Variants in ACCSL observed in about 807,000 individuals in gnomAD.
ACCSL encodes probable inactive 1-aminocyclopropane-1-carboxylate synthase-like protein 2.
Under a neutral mutation model 61.7 loss-of-function variants are expected in ACCSL, and 55 were observed. The observed-to-expected ratio is 0.89, with a 90% CI of 0.72 to 1.12. ACCSL has a LOEUF of 1.12. ACCSL is among the 50% of genes most tolerant of loss of function. The pLI, the probability that ACCSL is intolerant of heterozygous loss-of-function variation, is 0.00. For synonymous variants in ACCSL, 258 were observed against 264.3 expected (o/e 0.98, Z 0.23); for missense variants, 632 against 698.0 (o/e 0.91, Z 1.07).
At chr11:43,939,645 T>C in the ACCSL span, among the ~76,000 whole-genome samples, 2 of 152,162 alleles carry the variant, frequency 1.3e-5, no homozygotes, top group African/African-American at 2.4e-5. Context: ...GGTTTCACTC[T>C]GTCACCCAGG....
At chr11:43,952,790 CCTGTCCTG>C in the ACCSL span, among the ~76,000 whole-genome samples, 2 of 152,302 alleles carry the variant, frequency 1.3e-5, no homozygotes, top group Middle Eastern at 3.4e-3. Flanking sequence ...TTGTTTGCGG[CCTGTCCTG>C]CTACAAGCTC....
the ACCSL span, among the ~76,000 whole-genome samples, chr11:44,034,065 T>C: frequency 6.6e-6 from 1 of 152,128 alleles, no homozygotes; most frequent in Non-Finnish European, 1.5e-5. Context: ...GCCATTTCAG[T>C]GGCAGCCCCA....
At chr11:43,992,169 A>G in the ACCSL span, among the ~76,000 whole-genome samples, 1 of 149,632 alleles carries the variant, frequency 6.7e-6, no homozygotes, top group Admixed American at 6.7e-5. Flanking sequence ...CTCCCACCTC[A>G]GCCTCCTGAG....
chr11:43,945,680 CAA>C, the ACCSL span: 588 of 129,296 alleles, frequency 4.5e-3, no homozygotes, highest in African/African-American at 0.01. Flanking sequence ...CCTATCTCTA[CAA>C]AAAAAAAAAA....
chr11:44,052,840 G>A, intron 6 of ACCSL, 81 bp downstream of exon 6: 1 of 1,486,566 alleles, frequency 6.7e-7, no homozygotes, highest in Non-Finnish European at 9.4e-7. Context: ...AGAGGGGCTT[G>A]CTTTCTACCC....
the ACCSL span, among the ~76,000 whole-genome samples, chr11:43,949,093 AGTCTTCCCAGCTCCTTCTGTGTGAC>A: frequency 6.6e-6 from 1 of 152,180 alleles, no homozygotes; most frequent in African/African-American, 2.4e-5. Context: ...AGGCCCTCCC[AGTCTTCCCAGCTCCTTCTGTGTGAC>A]TGCACACAGG....
At chr11:44,014,146 C>T in the ACCSL span, among the ~76,000 whole-genome samples, 1 of 152,300 alleles carries the variant, frequency 6.6e-6, no homozygotes, top group Non-Finnish European at 1.5e-5. Context: ...ACATATATCC[C>T]CACACCGCAT....
chr11:43,944,307 A>G, the ACCSL span: 1 of 164,142 alleles, frequency 6.1e-6, no homozygotes, highest in Non-Finnish European at 1.3e-5. Context: ...GGAGCCAGCA[A>G]TGCGAGATGT....
the ACCSL span, among the ~76,000 whole-genome samples, chr11:44,042,769 G>A: frequency 6.6e-6 from 1 of 151,944 alleles, no homozygotes; most frequent in Non-Finnish European, 1.5e-5. Flanking sequence ...TCTTTCCACT[G>A]GAAAGGCTAG....
the ACCSL span, among the ~76,000 whole-genome samples, chr11:44,014,438 G>A: frequency 2.6e-5 from 4 of 151,676 alleles, no homozygotes; most frequent in African/African-American, 4.8e-5. Context: ...TCATGACATC[G>A]CAGCTGGCTT....
chr11:43,950,103 C>T, the ACCSL span, among the ~76,000 whole-genome samples: 1 of 152,352 alleles, frequency 6.6e-6, no homozygotes, highest in East Asian at 1.9e-4. Context: ...AAAGGCTGAT[C>T]AAGGACTCAA....
the ACCSL span, among the ~76,000 whole-genome samples, chr11:44,005,167 A>G: frequency 3.3e-5 from 5 of 151,352 alleles, no homozygotes; most frequent in South Asian, 2.1e-4. Context: ...AACTGTTTCA[A>G]TGGCTGTCCC....
the ACCSL span, among the ~76,000 whole-genome samples, chr11:43,951,591 C>T: frequency 6.6e-6 from 1 of 152,158 alleles, no homozygotes; most frequent in African/African-American, 2.4e-5. Context: ...CCAGGAATAG[C>T]AATGAATGAT....
chr11:43,921,965 A>G, the ACCSL span, among the ~76,000 whole-genome samples: 1 of 152,178 alleles, frequency 6.6e-6, no homozygotes, highest in Non-Finnish European at 1.5e-5. Flanking sequence ...ATTCCAGACC[A>G]TGGCAAAGGG....
chr11:44,056,988 A>C (rs111610390), intron 11 of ACCSL, among the ~76,000 whole-genome samples: 23 of 152,356 alleles, frequency 1.5e-4, no homozygotes, highest in African/African-American at 5.5e-4. Flanking sequence ...TTCCCTCCCC[A>C]AAACTCTGTT....
At chr11:43,977,096 T>C in the ACCSL span, among the ~76,000 whole-genome samples, 40 of 152,200 alleles carry the variant, frequency 2.6e-4, no homozygotes, top group African/African-American at 9.7e-4. Flanking sequence ...TTGGACATTT[T>C]AGCCAGAGTG....
At chr11:43,961,914 T>G in the ACCSL span, among the ~76,000 whole-genome samples, 2 of 152,200 alleles carry the variant, frequency 1.3e-5, no homozygotes, top group Non-Finnish European at 2.9e-5. Context: ...TAGAGGGTAT[T>G]TAAACTCACT....
At chr11:44,042,917 C>T in the ACCSL span, among the ~76,000 whole-genome samples, 1 of 151,846 alleles carries the variant, frequency 6.6e-6, no homozygotes, top group Admixed American at 6.6e-5. Flanking sequence ...CTGGTCTCTA[C>T]AAAAAATACA....
At chr11:43,940,419 A>C in the ACCSL span, among the ~76,000 whole-genome samples, 2 of 150,812 alleles carry the variant, frequency 1.3e-5, no homozygotes, top group East Asian at 3.9e-4. Flanking sequence ...GCAGTGGCGC[A>C]ATCTCGGCTC....
Sources: gnomAD v4.1 joint callset for allele counts (sites outside exome capture counted in the v4.1 genomes callset) on GRCh38, gnomAD v4.1.1 for gene constraint, MANE v1.5 for transcripts, NCBI Gene and HGNC (gene_info 2026-07-23, HGNC 2026-07-21) for gene names.